Variants in MEF2C observed in about 807,000 individuals in gnomAD.
MEF2C encodes myocyte-specific enhancer factor 2C.
Under a neutral mutation model 50.5 loss-of-function variants are expected in MEF2C, and 6 were observed. The observed-to-expected ratio is 0.12, with a 90% CI of 0.07 to 0.23. MEF2C has a LOEUF of 0.23. Ranked by LOEUF, MEF2C falls within the 10% of genes least tolerant of loss-of-function variation. The probability of loss-of-function intolerance (pLI) is 1.00; values close to 1 mark genes in which losing one functional copy is unlikely to be tolerated. For missense variants in MEF2C, 276 were observed against 605.0 expected (o/e 0.46, Z 5.70); for synonymous variants, 183 against 228.0 (o/e 0.80, Z 1.78).
chr5:88,738,601 A>G, intron 6 of MEF2C: 3 of 984,660 alleles, frequency 3.0e-6, no homozygotes, highest in Non-Finnish European at 3.6e-6. Flanking sequence ...GTACAACACT[A>G]CACTGCTCCT....
intron 4 of MEF2C, among the ~76,000 whole-genome samples, chr5:88,755,346 G>GT (rs1774807974): frequency 6.6e-6 from 1 of 152,042 alleles, no homozygotes; most frequent in Admixed American, 6.6e-5. Context: ...TTTCAAATTG[G>GT]TAAGTTAAGT....
At chr5:88,740,322 T>C in intron 6 of MEF2C, 3 of 984,340 alleles carry the variant, frequency 3.0e-6, no homozygotes, top group Non-Finnish European at 3.6e-6. Context: ...CAGCACATAC[T>C]GTGTAAGCTC....
At chr5:88,813,216 T>C (rs974673332) in intron 2 of MEF2C, among the ~76,000 whole-genome samples, 2 of 151,936 alleles carry the variant, frequency 1.3e-5, no homozygotes, top group African/African-American at 4.8e-5. Context: ...TATTTATGGA[T>C]GTTTATTTTA....
At position 88,728,607 on chromosome 5, in the gene MEF2C, T is replaced by C; in HGVS notation, c.986A>G (p.Asp329Gly). The C allele has an allele frequency of 6.6e-7, 1 of 1,506,346 alleles. No homozygotes were observed. The highest frequency in any genetic ancestry group is 1.4e-5 in the South Asian group (1 of 73,772). 93.3% of individuals were successfully genotyped at this position (1,506,346 alleles called of 1,614,324 possible). A position where few individuals can be genotyped will look rare whatever the true frequency, so the allele number is the denominator to read the frequency against. ...YGTEYSLSSA[D>G]LSSLSGFNTA... ...GTTAAACCCAGACAGAGATGACAGG[T>C]CTGCACTACTCAGAGAGTACTCTAG... is the stretch of plus-strand genomic sequence containing the variant. Residue 329 changes from aspartate to glycine, a missense_variant, in exon 10 of 11, where the codon GAC becomes GGC. Physicochemically the swap from Asp to Gly is moderately conservative, Grantham distance 94 (BLOSUM62 -1). Coordinates refer to ENST00000504921, the MANE Select transcript of MEF2C (RefSeq NM_002397.5).
chr5:88,900,368 A>T (rs1194896968), intron 1 of MEF2C, among the ~76,000 whole-genome samples: 2 of 151,772 alleles, frequency 1.3e-5, no homozygotes, highest in Non-Finnish European at 2.9e-5. Context: ...ACATATACTT[A>T]TGTGTTAGTA....
At chr5:88,744,421 C>T (rs1057226559) in intron 6 of MEF2C, among the ~76,000 whole-genome samples, 2 of 152,112 alleles carry the variant, frequency 1.3e-5, no homozygotes, top group East Asian at 3.9e-4. Context: ...GGCATGGCAG[C>T]GTGCACCTGT....
At chr5:88,810,487 A>G (rs1308813130) in intron 2 of MEF2C, among the ~76,000 whole-genome samples, 2 of 151,826 alleles carry the variant, frequency 1.3e-5, no homozygotes, top group African/African-American at 4.8e-5. Flanking sequence ...CACAGGATAC[A>G]GAAAGAATGG....
chr5:88,742,989 T>C (rs1312911751), intron 6 of MEF2C: 1 of 973,718 alleles, frequency 1.0e-6, no homozygotes, highest in Non-Finnish European at 1.2e-6. Flanking sequence ...CCGTTAGTTA[T>C]TTACTTATGT....
chr5:88,737,324 C>T, intron 6 of MEF2C: 4 of 985,374 alleles, frequency 4.1e-6, no homozygotes, highest in Non-Finnish European at 3.6e-6. Flanking sequence ...TAAGTGCCCA[C>T]CTACTAAATT....
chr5:88,801,034 A>G (rs1798108541), intron 3 of MEF2C, among the ~76,000 whole-genome samples: 1 of 152,166 alleles, frequency 6.6e-6, no homozygotes, highest in Non-Finnish European at 1.5e-5. Flanking sequence ...TTGCTAAAAG[A>G]AGGAATCTTT....
rs1005853923 is a variant in MEF2C at position 88,717,433 on chromosome 5, G to A, written c.*5171C>T. 2 of 152,156 alleles carry A rather than the reference G, an allele frequency of 1.3e-5. No individual in the cohort carries two copies. The highest frequency in any genetic ancestry group is 2.9e-5 in the Non-Finnish European group (2 of 68,038). 9.4% of individuals were successfully genotyped at this position (152,156 alleles called of 1,614,324 possible). Reference sequence around the variant, plus strand: ...CCTTTTATCTCCTATTAGTTTATAAGTTTCCTAAGAGAAAGGGCTACAACT... The same window carrying A: ...CCTTTTATCTCCTATTAGTTTATAAATTTCCTAAGAGAAAGGGCTACAACT... On this transcript the variant is annotated 3_prime_UTR_variant, in exon 11 of 11. Coordinates refer to ENST00000504921, the MANE Select transcript of MEF2C (RefSeq NM_002397.5).
At chr5:88,736,079 T>C (rs1763957689) in intron 6 of MEF2C, 1 of 985,414 alleles carries the variant, frequency 1.0e-6, no homozygotes, top group African/African-American at 1.7e-5. Flanking sequence ...TTATCCCCTC[T>C]CCTCCTTCCA....
rs1051932134 is a variant in MEF2C, at chr5:88,820,139, T to A, written c.54+3596A>T. On this transcript the variant is annotated intron_variant, in intron 2 of 10. Transcript: ENST00000504921. Reference sequence around the variant, plus strand: ...CTACTTTTATTAGGTTGTCTGAAAATTTCTGTAAGATAAATTAACAATTCA... The same window carrying A: ...CTACTTTTATTAGGTTGTCTGAAAAATTCTGTAAGATAAATTAACAATTCA... 2.6e-5 allele frequency among the ~76,000 whole-genome samples: 4 copies of A among 152,000 alleles called. No individual in the cohort carries two copies. The South Asian group carries it at 8.3e-4, about 31-fold the overall frequency.
intron 1 of MEF2C, among the ~76,000 whole-genome samples, chr5:88,890,001 A>G (rs1381981567): frequency 6.6e-6 from 1 of 152,216 alleles, no homozygotes; most frequent in African/African-American, 2.4e-5. Flanking sequence ...GGGGCTCTGC[A>G]GGTCTAGCCG....
chr5:88,830,428 A>G (rs1450557212), intron 1 of MEF2C, among the ~76,000 whole-genome samples: 3 of 152,102 alleles, frequency 2.0e-5, no homozygotes, highest in Non-Finnish European at 2.9e-5. Flanking sequence ...TTTTATTTAC[A>G]CAGTTCCAGA....
intron 1 of MEF2C, among the ~76,000 whole-genome samples, chr5:88,895,322 T>C (rs1164143150): frequency 2.0e-5 from 3 of 152,220 alleles, no homozygotes; most frequent in Non-Finnish European, 4.4e-5. Context: ...GCTAACTATA[T>C]TATCCTTGTC....
At chr5:88,772,843 T>G in intron 3 of MEF2C, 1 of 985,432 alleles carries the variant, frequency 1.0e-6, no homozygotes, top group Non-Finnish European at 1.2e-6. Context: ...GAGGGTCTCT[T>G]ATAGTCTATC....
chr5:88,815,430 T>C (rs1019161973), intron 2 of MEF2C, among the ~76,000 whole-genome samples: 2 of 152,116 alleles, frequency 1.3e-5, no homozygotes, highest in African/African-American at 2.4e-5. Flanking sequence ...TGAAATGTTA[T>C]TTAAATGTTA....
At position 88,722,088 on chromosome 5, in the gene MEF2C, C is replaced by T. The variant is rs1044992027; in HGVS notation, c.*516G>A. 6.5e-6 allele frequency: 1 copy of T among 153,540 alleles called. No individual in the cohort carries two copies. The highest frequency in any genetic ancestry group is 2.4e-5 in the African/African-American group (1 of 41,380). The allele number at this position is 153,540 out of a possible 1,614,324, so 9.5% of individuals were successfully genotyped here. On this transcript the variant is annotated 3_prime_UTR_variant, in exon 11 of 11. Coordinates refer to ENST00000504921, the MANE Select transcript of MEF2C (RefSeq NM_002397.5). ...TGAGTGCCATACGCCAATGATATGC[C>T]TGCAGGTTTGTGAGCATTCTTGGGA...
Sources: allele counts gnomAD v4.1 joint callset (sites outside exome capture counted in the v4.1 genomes callset), GRCh38; gene constraint gnomAD v4.1.1; transcripts MANE v1.5; gene names NCBI Gene and HGNC (gene_info 2026-07-23, HGNC 2026-07-21).